ZFAT: variants seen among roughly 807,000 people sequenced by gnomAD.
The protein encoded by ZFAT is zinc finger protein ZFAT.
In ZFAT, 64 loss-of-function variants were observed where a neutral mutation model predicts 117.7. The ratio of observed to expected loss-of-function variants is 0.54; its 90% CI spans 0.44 to 0.67. The LOEUF is 0.67. Among genes scored for constraint, ZFAT ranks in the 30% least tolerant of loss-of-function variants. The probability of loss-of-function intolerance (pLI) is 0.00; values close to 1 mark genes in which losing one functional copy is unlikely to be tolerated. For missense variants in ZFAT, 1,433 were observed against 1,584.5 expected (o/e 0.90, Z 1.62); for synonymous variants, 679 against 615.0 (o/e 1.10, Z -1.54).
At chr8:134,572,241 A>G (rs1038976927) in intron 10 of ZFAT, among the ~76,000 whole-genome samples, 6 of 152,258 alleles carry the variant, frequency 3.9e-5, no homozygotes, top group African/African-American at 1.4e-4. Context: ...CCATATGAGC[A>G]TGAATAAAGA....
At chr8:134,627,054 C>T (rs542586894) in intron 3 of ZFAT, among the ~76,000 whole-genome samples, 8 of 152,268 alleles carry the variant, frequency 5.3e-5, no homozygotes, top group East Asian at 1.9e-4. Context: ...GGGCCAATGG[C>T]ATACAGAGAC....
intron 1 of ZFAT, among the ~76,000 whole-genome samples, chr8:134,706,344 A>G (rs1156564581): frequency 6.6e-6 from 1 of 152,218 alleles, no homozygotes; most frequent in Non-Finnish European, 1.5e-5. Context: ...CCAGACACAA[A>G]AGAATTATAT....
chr8:134,759,884 T>C, the ZFAT span, among the ~76,000 whole-genome samples: 99 of 149,298 alleles, frequency 6.6e-4, 1 homozygote, highest in African/African-American at 2.2e-3. Context: ...GGTAGGAGAA[T>C]TGCTTGAACC....
chr8:134,774,984 G>A, the ZFAT span, among the ~76,000 whole-genome samples: 1 of 152,174 alleles, frequency 6.6e-6, no homozygotes, highest in African/African-American at 2.4e-5. Context: ...CAGCCGTGGT[G>A]GCGTATGCCT....
At chr8:134,620,259 A>C (rs973796676) in intron 3 of ZFAT, among the ~76,000 whole-genome samples, 3 of 152,212 alleles carry the variant, frequency 2.0e-5, no homozygotes, top group South Asian at 2.1e-4. Flanking sequence ...CTAAAGGCTG[A>C]GGTAGACGAA....
At chr8:134,480,922 A>G (rs192755017) in intron 15 of ZFAT, among the ~76,000 whole-genome samples, 186 of 152,316 alleles carry the variant, frequency 1.2e-3, no homozygotes, top group Middle Eastern at 6.8e-3. Context: ...TGTTTAATTC[A>G]GAGAGAAAAA....
At chr8:134,480,293 C>T (rs1817208595) in intron 15 of ZFAT, among the ~76,000 whole-genome samples, 1 of 152,302 alleles carries the variant, frequency 6.6e-6, no homozygotes, top group South Asian at 2.1e-4. Flanking sequence ...CCTGCTGCTG[C>T]CTGGAAAGTA....
At chr8:134,658,746 C>T (rs1270350113) in intron 1 of ZFAT, among the ~76,000 whole-genome samples, 1 of 152,174 alleles carries the variant, frequency 6.6e-6, no homozygotes, top group Non-Finnish European at 1.5e-5. Flanking sequence ...TACATTCAGA[C>T]TGAAAGGAAG....
chr8:134,728,817 A>C, the ZFAT span, among the ~76,000 whole-genome samples: 23 of 152,234 alleles, frequency 1.5e-4, no homozygotes, highest in African/African-American at 5.1e-4. Context: ...TTATGCTAAA[A>C]CATTTTAAAG....
the ZFAT span, among the ~76,000 whole-genome samples, chr8:134,822,961 A>C: frequency 6.6e-6 from 1 of 152,044 alleles, no homozygotes; most frequent in Non-Finnish European, 1.5e-5. Context: ...AATGTGGGGG[A>C]AAAAAAGGGG....
intron 12 of ZFAT, among the ~76,000 whole-genome samples, chr8:134,527,527 CTCT>C (rs1424746796): frequency 6.6e-6 from 1 of 152,226 alleles, no homozygotes; most frequent in Non-Finnish European, 1.5e-5. Context: ...TTCCTACTGT[CTCT>C]TAACTCAGTG....
At chr8:134,715,411 C>G (rs770909106), upstream of ZFAT, among the ~76,000 whole-genome samples, 7 of 152,248 alleles carry the variant, frequency 4.6e-5, no homozygotes, top group Non-Finnish European at 8.8e-5. Context: ...TTACTGGAAA[C>G]TGTCCTGGCC....
intron 1 of ZFAT, among the ~76,000 whole-genome samples, chr8:134,668,036 G>C (rs1291106710): frequency 6.6e-6 from 1 of 152,126 alleles, no homozygotes; most frequent in Admixed American, 6.5e-5. Flanking sequence ...AGATCGAACT[G>C]CAAGGCGGCA....
intron 8 of ZFAT, among the ~76,000 whole-genome samples, chr8:134,589,526 T>A (rs1826297653): frequency 6.6e-6 from 1 of 152,258 alleles, no homozygotes; most frequent in African/African-American, 2.4e-5. Flanking sequence ...ACTTGTCTGC[T>A]TTCCTGGGCC....
chr8:134,552,242 A>G (rs940589369), intron 11 of ZFAT, among the ~76,000 whole-genome samples: 1 of 152,060 alleles, frequency 6.6e-6, no homozygotes, highest in African/African-American at 2.4e-5. Context: ...AGTGCCTGGT[A>G]TTCAGAAAAA....
Position 134,608,875 on chromosome 8 carries a change from A to G in ZFAT, c.639T>C (p.Ala213=). 6.2e-7 allele frequency: 1 copy of G among 1,602,650 alleles called. No individual in the cohort carries two copies. Among genetic ancestry groups the G allele is most frequent in the Non-Finnish European group, 8.5e-7 (1 of 1,176,266 alleles). Residue 213 remains alanine (A), a synonymous_variant, in exon 5 of 16, where the codon GCT becomes GCC. Coordinates refer to ENST00000377838, the MANE Select transcript of ZFAT (RefSeq NM_020863.4). The part of the protein sequence containing the change: ...VLTAHEAIPG[A]TKIVPVEAGP... ...CAGCCTCCACTGGCACAATCTTGGT[A>G]GCACCTGAGATTGATGCAAAAGGCA...
chr8:134,593,294 A>AT (rs1031513052), intron 7 of ZFAT, among the ~76,000 whole-genome samples: 1 of 137,630 alleles, frequency 7.3e-6, no homozygotes, highest in African/African-American at 2.7e-5. Flanking sequence ...AGGGGCCCTT[A>AT]TTTTTTGATG....
At chr8:134,626,783 C>T (rs1829544979) in intron 3 of ZFAT, among the ~76,000 whole-genome samples, 1 of 152,252 alleles carries the variant, frequency 6.6e-6, no homozygotes, top group South Asian at 2.1e-4. Flanking sequence ...TTTCTTCCTT[C>T]TCTAAACAAC....
intron 3 of ZFAT, among the ~76,000 whole-genome samples, chr8:134,615,023 G>A (rs563635272): frequency 6.6e-6 from 1 of 152,296 alleles, no homozygotes; most frequent in South Asian, 2.1e-4. Context: ...ACCTGGAAGA[G>A]ACAAAAGAGC....
Sources: gnomAD v4.1 joint callset for allele counts (sites outside exome capture counted in the v4.1 genomes callset) on GRCh38, gnomAD v4.1.1 for gene constraint, MANE v1.5 for transcripts, NCBI Gene and HGNC (gene_info 2026-07-23, HGNC 2026-07-21) for gene names.